Variants in ANK3 observed in about 807,000 individuals in gnomAD.
ANK3 encodes ankyrin-3.
ANK3 carries 57 observed loss-of-function variants against 370.9 expected under a neutral mutation model. That is an observed-to-expected ratio of 0.15 (90% CI 0.12 to 0.19). The LOEUF is 0.19. Among genes scored for constraint, ANK3 ranks in the 10% least tolerant of loss-of-function variants. ANK3 has a pLI of 1.00. For missense variants in ANK3, 4,439 were observed against 5,302.1 expected (o/e 0.84, Z 5.06); for synonymous variants, 1,929 against 1,946.3 (o/e 0.99, Z 0.23).
In ANK3 at chr10:60,027,330, C is replaced by G. The variant is rs1485968165; in HGVS notation, c.*2516G>C. ...TTTAAAAAAAAAACCTCTCAAGGGT[C>G]TAACTTTACCCATCATAAAATAATT... On this transcript the variant is annotated 3_prime_UTR_variant, in exon 44 of 44. Transcript: ENST00000280772. The G allele has an allele frequency of 4.8e-5, 6 of 125,056 alleles. No individual in the cohort carries two copies. Among genetic ancestry groups the G allele is most frequent in the Non-Finnish European group, 9.8e-5 (6 of 61,332 alleles). 7.7% of individuals were successfully genotyped at this position (125,056 alleles called of 1,614,324 possible).
chr10:60,279,591 C>T lies in ANK3; in HGVS notation c.163G>A (p.Glu55Lys). The change falls in exon 2 of 44, where the codon GAA (glutamate) becomes AAA (lysine). Residue 55 changes from glutamate (E) to lysine (K), a missense_variant. Glu to Lys is a moderately conservative substitution (Grantham distance 56, BLOSUM62 1). Around this residue, in one of 13 missense-constraint regions of ANK3, gnomAD observed 136 missense variants for 230.5 expected, o/e 0.59. Transcript: ENST00000280772. ...YLRAARAGHL[E>K]KALDYIKNGV... ...TTTTTTATGTAGTCGAGGGCCTTTT[C>T]AAGGTGTCCAGCTCGAGCTGCTCTT... is the stretch of plus-strand genomic sequence containing the variant. 6.2e-7 allele frequency: 1 copy of T among 1,613,308 alleles called. No homozygotes were observed. The highest frequency in any genetic ancestry group is 8.5e-7 in the Non-Finnish European group (1 of 1,179,796).
At chr10:60,557,812 G>A (rs1033534976) in intron 2 of ANK3, among the ~76,000 whole-genome samples, 2 of 152,082 alleles carry the variant, frequency 1.3e-5, no homozygotes, top group South Asian at 2.1e-4. Flanking sequence ...GACATTAAAC[G>A]GGGTGTTCTT....
intron 1 of ANK3, among the ~76,000 whole-genome samples, chr10:60,367,588 C>T (rs1018222711): frequency 2.0e-5 from 3 of 152,184 alleles, no homozygotes; most frequent in African/African-American, 7.2e-5. Context: ...ACAATCGTTG[C>T]CTTGCCTCTG....
intron 21 of ANK3, among the ~76,000 whole-genome samples, chr10:60,167,635 A>G (rs2095656899): frequency 6.6e-6 from 1 of 151,862 alleles, no homozygotes; most frequent in African/African-American, 2.4e-5. Context: ...GAAAATCTTA[A>G]TGACCTTAGT....
intron 8 of ANK3, among the ~76,000 whole-genome samples, chr10:60,217,829 G>A (rs1001534530): frequency 6.6e-6 from 1 of 152,144 alleles, no homozygotes; most frequent in Admixed American, 6.5e-5. Context: ...CTGTCTCATA[G>A]ATCTGTCTAA....
chr10:60,598,945 T>A (rs1018387468), intron 2 of ANK3, among the ~76,000 whole-genome samples: 1 of 152,192 alleles, frequency 6.6e-6, no homozygotes, highest in African/African-American at 2.4e-5. Context: ...GTTTTTCATG[T>A]TGAGACAGGG....
chr10:60,040,990 C>T (rs1222582087), intron 43 of ANK3, among the ~76,000 whole-genome samples: 1 of 152,194 alleles, frequency 6.6e-6, no homozygotes, highest in Non-Finnish European at 1.5e-5. Context: ...GTAGGACATG[C>T]ATAGGAGTGG....
At chr10:60,397,211 A>AC (rs1406038244) in intron 2 of ANK3, among the ~76,000 whole-genome samples, 1 of 151,976 alleles carries the variant, frequency 6.6e-6, no homozygotes, top group African/African-American at 2.4e-5. Context: ...TAAAAAAAAA[A>AC]AAAAACTAAA....
intron 2 of ANK3, among the ~76,000 whole-genome samples, chr10:60,581,596 TA>T (rs1294935735): frequency 2.0e-5 from 3 of 149,656 alleles, no homozygotes; most frequent in African/African-American, 7.4e-5. Context: ...GGCTAATTAT[TA>T]TTTTTTTTTT....
At chr10:60,650,367 A>C (rs962075316) in intron 1 of ANK3, among the ~76,000 whole-genome samples, 2 of 62,468 alleles carry the variant, frequency 3.2e-5, no homozygotes, top group African/African-American at 6.3e-5. Flanking sequence ...ACTACTTTAC[A>C]AAAAAAAAAA....
intron 5 of ANK3, among the ~76,000 whole-genome samples, chr10:60,265,011 T>C (rs1179920540): frequency 6.6e-6 from 1 of 150,524 alleles, no homozygotes; most frequent in Non-Finnish European, 1.5e-5. Flanking sequence ...ATTATAAATA[T>C]TTATAGGGGT....
intron 2 of ANK3, among the ~76,000 whole-genome samples, chr10:60,410,987 C>T (rs1308586658): frequency 6.6e-6 from 1 of 152,102 alleles, no homozygotes; most frequent in Non-Finnish European, 1.5e-5. Flanking sequence ...CCCATCCAAT[C>T]TTTATCCCTC....
chr10:60,395,533 G>A (rs1004062276), intron 2 of ANK3, among the ~76,000 whole-genome samples: 7 of 145,342 alleles, frequency 4.8e-5, no homozygotes, highest in Admixed American at 2.7e-4. Context: ...AGAACACTTA[G>A]CAATCAACTA....
chr10:60,066,599 G>T (rs1209067457), intron 38 of ANK3, among the ~76,000 whole-genome samples: 2 of 151,848 alleles, frequency 1.3e-5, no homozygotes, highest in Non-Finnish European at 2.9e-5. Flanking sequence ...GGTAGTGGTG[G>T]TGGGGGTGGA....
intron 24 of ANK3, among the ~76,000 whole-genome samples, chr10:60,134,699 T>G (rs1440755977): frequency 6.6e-6 from 1 of 152,216 alleles, no homozygotes; most frequent in Non-Finnish European, 1.5e-5. Context: ...CAGATTTTTC[T>G]AGGATGAGAT....
At chr10:60,399,397 C>G (rs2132898175) in intron 2 of ANK3, among the ~76,000 whole-genome samples, 1 of 152,240 alleles carries the variant, frequency 6.6e-6, no homozygotes, top group South Asian at 2.1e-4. Flanking sequence ...TCCCTCCCAC[C>G]ACGCATGCAC....
upstream of ANK3, among the ~76,000 whole-genome samples, chr10:60,394,780 C>A (rs968102266): frequency 6.6e-6 from 1 of 152,186 alleles, no homozygotes; most frequent in African/African-American, 2.4e-5. Flanking sequence ...AACCACATGC[C>A]ACTTCCTCTC....
At chr10:60,390,729 AACAC>A (rs572520321), upstream of ANK3, among the ~76,000 whole-genome samples, 392 of 107,068 alleles carry the variant, frequency 3.7e-3, 5 homozygotes, top group Non-Finnish European at 4.9e-3. Context: ...TAAAAAAAAG[AACAC>A]ACACACACAC....
At chr10:60,104,210 G>A (rs144418865) in intron 28 of ANK3, among the ~76,000 whole-genome samples, 10 of 151,514 alleles carry the variant, frequency 6.6e-5, no homozygotes, top group Admixed American at 2.0e-4. Context: ...AAACCTACAC[G>A]TGTAGGTTTG....
Sources: allele counts gnomAD v4.1 joint callset (sites outside exome capture counted in the v4.1 genomes callset), GRCh38; gene constraint gnomAD v4.1.1; regional missense constraint gnomAD v4.1.1; transcripts MANE v1.5; gene names NCBI Gene and HGNC (gene_info 2026-07-23, HGNC 2026-07-21).